DRGX: variants seen among roughly 807,000 people sequenced by gnomAD.
DRGX encodes dorsal root ganglia homeobox protein.
A neutral mutation model predicts 28.6 loss-of-function variants in DRGX; 21 were observed. The ratio of observed to expected loss-of-function variants is 0.73; its 90% CI spans 0.52 to 1.06. DRGX has a LOEUF of 1.06. DRGX is among the 50% of genes least tolerant of loss of function. The pLI is 0.00. For synonymous variants in DRGX, 136 were observed against 139.1 expected (o/e 0.98, Z 0.16); for missense variants, 354 against 343.9 (o/e 1.03, Z -0.23).
Position 49,369,036 on chromosome 10 carries a change from C to T in DRGX, c.527-2655G>A, listed in dbSNP as rs114431012. Among the ~76,000 whole-genome samples the T allele has an allele frequency of 3.5e-3, 526 of 152,274 alleles. 2 individuals are homozygous for T. The highest frequency in any genetic ancestry group is 0.012 in the African/African-American group (507 of 41,560). ...TGGTATTAACCCAGTCAAGAGCTTG[C>T]TCCAATGTAAGCATCAATGGTGAGT... On this transcript the variant is annotated intron_variant, in intron 6 of 6. Coordinates refer to ENST00000374139, the MANE Select transcript of DRGX (RefSeq NM_001276451.2).
At chr10:49,391,613 C>T (rs1207203102) in intron 2 of DRGX, among the ~76,000 whole-genome samples, 1 of 152,110 alleles carries the variant, frequency 6.6e-6, no homozygotes, top group Non-Finnish European at 1.5e-5. Flanking sequence ...GTTCAATGTG[C>T]CTTTATCTCA....
At chr10:49,386,342 G>T in intron 6 of DRGX, 136 bp downstream of exon 6, 1 of 693,852 alleles carries the variant, frequency 1.4e-6, no homozygotes, top group Non-Finnish European at 2.4e-6. Context: ...CAGTGGCCCT[G>T]GCTGTGACTG....
intron 6 of DRGX, among the ~76,000 whole-genome samples, chr10:49,371,386 C>A (rs1223902755): frequency 6.6e-6 from 1 of 152,178 alleles, no homozygotes; most frequent in Non-Finnish European, 1.5e-5. Context: ...GGCACAGTGG[C>A]TCGCACCTGT....
At chr10:49,369,742 G>A (rs373111168) in intron 6 of DRGX, among the ~76,000 whole-genome samples, 7 of 152,072 alleles carry the variant, frequency 4.6e-5, no homozygotes, top group East Asian at 3.9e-4. Flanking sequence ...TTTATGTTAC[G>A]CATGTTTTAC....
In DRGX at chr10:49,379,866, C is replaced by T. The variant is rs145344736; in HGVS notation, c.526+6612G>A. ...GTCCTGACAGCGTCCAAGGCCTCTGCGGGGAAGATGGGGCCAGACTCCAGC... is the reference window on the plus strand; with the variant it reads ...GTCCTGACAGCGTCCAAGGCCTCTGTGGGGAAGATGGGGCCAGACTCCAGC... On this transcript the variant is annotated intron_variant, in intron 6 of 6. Coordinates refer to ENST00000374139, the MANE Select transcript of DRGX (RefSeq NM_001276451.2). 1.6e-4 allele frequency among the ~76,000 whole-genome samples: 24 copies of T among 152,302 alleles called. No individual in the cohort carries two copies. In the East Asian group the frequency reaches 2.7e-3, roughly 17 times the overall value.
intron 6 of DRGX, among the ~76,000 whole-genome samples, chr10:49,373,207 G>C (rs1849679404): frequency 6.6e-6 from 1 of 152,102 alleles, no homozygotes; most frequent in African/African-American, 2.4e-5. Context: ...CCATGGCCCA[G>C]TAATAGGGAA....
At position 49,391,151 on chromosome 10, in the gene DRGX, T is replaced by A; in HGVS notation, c.132+13A>T. 3 of 1,613,362 alleles carry A rather than the reference T, an allele frequency of 1.9e-6. No homozygotes were observed. The highest frequency in any genetic ancestry group is 2.5e-6 in the Non-Finnish European group (3 of 1,179,552). ...AAGTAGCTGATGTTTGAAAGGAGAA[T>A]CAACGTTGGTACCTGCTGAAGAGTG... is the stretch of plus-strand genomic sequence containing the variant. On this transcript the variant is annotated intron_variant, in intron 3 of 6. Coordinates refer to ENST00000374139, the MANE Select transcript of DRGX (RefSeq NM_001276451.2).
chr10:49,371,731 G>A (rs1849661352), intron 6 of DRGX, among the ~76,000 whole-genome samples: 1 of 144,130 alleles, frequency 6.9e-6, no homozygotes, highest in African/African-American at 2.7e-5. Flanking sequence ...GGTGGAGGTT[G>A]CAGTGAACTG....
intron 4 of DRGX, among the ~76,000 whole-genome samples, chr10:49,388,494 T>C (rs528076278): frequency 6.6e-5 from 10 of 152,380 alleles, no homozygotes; most frequent in African/African-American, 2.2e-4. Flanking sequence ...ACTTGGCTTT[T>C]AATTGCACAT....
intron 6 of DRGX, among the ~76,000 whole-genome samples, chr10:49,380,638 A>G (rs1030601384): frequency 7.9e-5 from 12 of 152,292 alleles, no homozygotes; most frequent in Non-Finnish European, 1.2e-4. Flanking sequence ...AAAGCACATC[A>G]CTGCTTGAAG....
intron 6 of DRGX, among the ~76,000 whole-genome samples, chr10:49,385,939 G>T (rs920974960): frequency 6.6e-6 from 1 of 152,068 alleles, no homozygotes; most frequent in Non-Finnish European, 1.5e-5. Context: ...ATCCACAGAG[G>T]CTCCTCTCTC....
At position 49,364,497 on chromosome 10, in the gene DRGX, C is replaced by T. The variant is rs1019647802; in HGVS notation, c.*1619G>A. On this transcript the variant is annotated 3_prime_UTR_variant, in exon 7 of 7. Transcript: ENST00000374139. Reference sequence around the variant, plus strand: ...TTTATGTACCTTTCTGGAGGAAATACGAGTTTAATCAAACAATTAGATTGA... The same window carrying T: ...TTTATGTACCTTTCTGGAGGAAATATGAGTTTAATCAAACAATTAGATTGA... 7 of 152,182 alleles carry T rather than the reference C, an allele frequency of 4.6e-5. No individual in the cohort carries two copies. The highest frequency in any genetic ancestry group is 8.8e-5 in the Non-Finnish European group (6 of 68,030). The allele number at this position is 152,182 out of a possible 1,614,324, so 9.4% of individuals were successfully genotyped here.
In DRGX at chr10:49,386,442, G is replaced by T. The variant is rs185276990; in HGVS notation, c.526+36C>A. 98 of 1,489,844 alleles carry T rather than the reference G, an allele frequency of 6.6e-5. No individual in the cohort carries two copies. In the East Asian group the frequency reaches 2.2e-3, roughly 33 times the overall value. 92.3% of individuals were successfully genotyped at this position (1,489,844 alleles called of 1,614,324 possible). A position where few individuals can be genotyped will look rare whatever the true frequency, so the allele number is the denominator to read the frequency against. On this transcript the variant is annotated intron_variant, in intron 6 of 6. Coordinates refer to ENST00000374139, the MANE Select transcript of DRGX (RefSeq NM_001276451.2). ...CACACAAACTCCACCAACCCCATGAGGCCACGCCCACCAGCCCAGCCGAAC... is the reference window on the plus strand; with the variant it reads ...CACACAAACTCCACCAACCCCATGATGCCACGCCCACCAGCCCAGCCGAAC...
rs1204224792 is a variant in DRGX at position 49,380,398 on chromosome 10, A to G, written c.526+6080T>C. Among the ~76,000 whole-genome samples, 5 of 152,342 alleles carry G rather than the reference A, an allele frequency of 3.3e-5. No individual in the cohort carries two copies. In the East Asian group the frequency reaches 9.6e-4, roughly 29 times the overall value. ...AACAAACCCAAGCGCCTCCCTGGCCATTAATAACCTCCTCTGCATTAATGA... is the reference window on the plus strand; with the variant it reads ...AACAAACCCAAGCGCCTCCCTGGCCGTTAATAACCTCCTCTGCATTAATGA... On this transcript the variant is annotated intron_variant, in intron 6 of 6. Transcript: ENST00000374139.
chr10:49,374,192 TGA>T (rs1849693486), intron 6 of DRGX, among the ~76,000 whole-genome samples: 1 of 152,166 alleles, frequency 6.6e-6, no homozygotes, highest in African/African-American at 2.4e-5. Flanking sequence ...CAGACGATGG[TGA>T]CAGATGTTCT....
At chr10:49,374,230 C>A (rs1849693830) in intron 6 of DRGX, among the ~76,000 whole-genome samples, 1 of 152,182 alleles carries the variant, frequency 6.6e-6, no homozygotes, top group African/African-American at 2.4e-5. Flanking sequence ...ACACAGGTTG[C>A]AAAGGGATAA....
chr10:49,377,752 A>C (rs1446859135), intron 6 of DRGX, among the ~76,000 whole-genome samples: 1 of 152,208 alleles, frequency 6.6e-6, no homozygotes, highest in African/African-American at 2.4e-5. Flanking sequence ...AACCTCACGA[A>C]AGAGCCTAAG....
chr10:49,391,689 T>C lies in DRGX; in HGVS notation c.35-428A>G, dbSNP rs1051015752. On this transcript the variant is annotated intron_variant, in intron 2 of 6. Coordinates refer to ENST00000374139, the MANE Select transcript of DRGX (RefSeq NM_001276451.2). The stretch of plus-strand genomic sequence containing the variant: ...CTTTGGCTCATATGGTAGTTTACTT[T>C]CCCTTGTTTCTATTAACAAGAATTA... 1.3e-5 allele frequency: 6 copies of C among 449,368 alleles called. No individual in the cohort carries two copies. The East Asian group carries it at 2.8e-4, about 21-fold the overall frequency. 27.8% of individuals were successfully genotyped at this position (449,368 alleles called of 1,614,324 possible).
intron 6 of DRGX, among the ~76,000 whole-genome samples, chr10:49,385,470 A>G (rs1414091514): frequency 6.6e-6 from 1 of 152,008 alleles, no homozygotes; most frequent in Non-Finnish European, 1.5e-5. Context: ...TGTTCCCTAC[A>G]CCCAGAATCC....
Sources: gnomAD v4.1 joint callset for allele counts (sites outside exome capture counted in the v4.1 genomes callset) on GRCh38, gnomAD v4.1.1 for gene constraint, MANE v1.5 for transcripts, NCBI Gene and HGNC (gene_info 2026-07-23, HGNC 2026-07-21) for gene names.